The following CMSS1 variants were observed in gnomAD, a reference collection of about 807,000 sequenced individuals.
CMSS1 encodes the protein protein CMSS1.
CMSS1 carries 33 observed loss-of-function variants against 43.5 expected under a neutral mutation model. The observed-to-expected ratio is 0.76, with a 90% CI of 0.57 to 1.01. The LOEUF (loss-of-function observed/expected upper bound fraction) is 1.01, where lower values mean the gene tolerates loss of function less well. Ranked by LOEUF, CMSS1 falls within the 50% of genes least tolerant of loss-of-function variation. The pLI, the probability that CMSS1 is intolerant of heterozygous loss-of-function variation, is 0.00. For synonymous variants in CMSS1, 115 were observed against 117.2 expected, an observed-to-expected ratio of 0.98 and a Z score of 0.12; for missense variants, 313 against 326.4, an observed-to-expected ratio of 0.96 and a Z score of 0.32.
intron 1 of CMSS1, among the ~76,000 whole-genome samples, chr3:99,954,379 G>GA (rs1708260720): frequency 6.6e-6 from 1 of 152,226 alleles, no homozygotes; most frequent in Non-Finnish European, 1.5e-5. Flanking sequence ...CACACTGTGA[G>GA]ATAGGTATCA....
chr3:100,152,604 C>T (rs532571418), intron 2 of CMSS1, among the ~76,000 whole-genome samples: 4 of 152,314 alleles, frequency 2.6e-5, no homozygotes, highest in Admixed American at 6.5e-5. Context: ...GAGGTCTTCA[C>T]GAATGGTTTT....
intron 1 of CMSS1, among the ~76,000 whole-genome samples, chr3:100,050,335 C>G (rs2065348682): frequency 6.6e-6 from 1 of 152,034 alleles, no homozygotes; most frequent in African/African-American, 2.4e-5. Context: ...TGGGCAATAT[C>G]AGAGAAAGCC....
chr3:100,106,701 T>C (rs1361581150), intron 1 of CMSS1, among the ~76,000 whole-genome samples: 3 of 152,182 alleles, frequency 2.0e-5, no homozygotes, highest in Admixed American at 2.0e-4. Context: ...CTGCTGTAAA[T>C]GTAAGCTTCC....
At chr3:100,013,738 G>A (rs1442798460) in intron 1 of CMSS1, among the ~76,000 whole-genome samples, 1 of 152,098 alleles carries the variant, frequency 6.6e-6, no homozygotes, top group Non-Finnish European at 1.5e-5. Context: ...TGTGTACAAT[G>A]CAATGTTTGA....
At chr3:99,987,027 G>A (rs1207865630) in intron 1 of CMSS1, among the ~76,000 whole-genome samples, 6 of 149,956 alleles carry the variant, frequency 4.0e-5, no homozygotes, top group South Asian at 2.1e-4. Context: ...CCAGGAGTTC[G>A]AGACCAGCCT....
intron 1 of CMSS1, among the ~76,000 whole-genome samples, chr3:99,859,557 CCTTT>C (rs1193813067): frequency 6.6e-6 from 1 of 152,314 alleles, no homozygotes; most frequent in Middle Eastern, 3.4e-3. Flanking sequence ...ACATCACACT[CCTTT>C]ATTTATTTTT....
At chr3:100,050,092 C>A (rs1198683500) in intron 1 of CMSS1, among the ~76,000 whole-genome samples, 1 of 152,174 alleles carries the variant, frequency 6.6e-6, no homozygotes, top group Non-Finnish European at 1.5e-5. Flanking sequence ...CACACAGACT[C>A]ACCTGTGGAA....
At chr3:99,946,163 A>G (rs1708001209) in intron 1 of CMSS1, among the ~76,000 whole-genome samples, 1 of 152,218 alleles carries the variant, frequency 6.6e-6, no homozygotes, top group Admixed American at 6.5e-5. Flanking sequence ...GGGCCCTGCA[A>G]TCCATATAGC....
At chr3:100,137,602 G>T (rs976481105) in intron 1 of CMSS1, among the ~76,000 whole-genome samples, 3 of 147,908 alleles carry the variant, frequency 2.0e-5, no homozygotes, top group Non-Finnish European at 4.5e-5. Flanking sequence ...TCGCTTTGTC[G>T]CCCAGGCTGG....
chr3:100,064,550 C>G (rs933251240), intron 1 of CMSS1, among the ~76,000 whole-genome samples: 7 of 152,168 alleles, frequency 4.6e-5, no homozygotes, highest in African/African-American at 9.7e-5. Flanking sequence ...ATGCCACCCA[C>G]TATTATATGT....
At chr3:100,041,094 A>G (rs2065197617) in intron 1 of CMSS1, 1 of 152,152 alleles carries the variant, frequency 6.6e-6, no homozygotes, top group South Asian at 2.1e-4. Flanking sequence ...GGATGTGATC[A>G]CAGAAGGGTG....
rs1242670416 is a variant in CMSS1 at position 99,983,462 on chromosome 3, GTGTATATATATATATA to G, written c.65-163509_65-163494del. 2.8e-3 allele frequency among the ~76,000 whole-genome samples: 33 copies of G among 11,982 alleles called. 2 individuals are homozygous for G. Among genetic ancestry groups the G allele is most frequent in the African/African-American group, 5.9e-3 (27 of 4,612 alleles). 7.9% of individuals were successfully genotyped at this position (11,982 alleles called of 152,430 possible). ...TATATGTATGTATATATATATATGTGTGTATATATATATATATATATATATATATATATATATATAT... is the reference window on the plus strand; with the variant it reads ...TATATGTATGTATATATATATATGTGTATATATATATATATATATATATAT... On this transcript the variant is annotated intron_variant, in intron 1 of 9. Coordinates refer to ENST00000421999, the MANE Select transcript of CMSS1 (RefSeq NM_032359.4).
intron 1 of CMSS1, among the ~76,000 whole-genome samples, chr3:99,957,254 G>A (rs973242585): frequency 1.3e-5 from 2 of 152,044 alleles, no homozygotes; most frequent in African/African-American, 4.8e-5. Flanking sequence ...TAACAGCAGC[G>A]AATGAACCAC....
intron 1 of CMSS1, among the ~76,000 whole-genome samples, chr3:99,829,557 T>C (rs529533701): frequency 8.5e-5 from 13 of 152,350 alleles, no homozygotes; most frequent in South Asian, 4.1e-4. Flanking sequence ...AAGGCTTAGA[T>C]TGATGAATGC....
chr3:99,922,793 T>TTA (rs1258546332), intron 1 of CMSS1, among the ~76,000 whole-genome samples: 2 of 152,228 alleles, frequency 1.3e-5, no homozygotes, highest in African/African-American at 4.8e-5. Flanking sequence ...TAGAAAATAT[T>TTA]TACCAACCAA....
chr3:99,842,367 A>G lies in CMSS1; in HGVS notation c.64+24324A>G, dbSNP rs565301901. ...GGAGGGGTGTAAGGGATAAAAGACT[A>G]CACATTGGGTACAGTGTACACTGCT... On this transcript the variant is annotated intron_variant, in intron 1 of 9. Coordinates refer to ENST00000421999, the MANE Select transcript of CMSS1 (RefSeq NM_032359.4). Among the ~76,000 whole-genome samples the G allele has an allele frequency of 2.6e-5, 4 of 152,188 alleles. No individual in the cohort carries two copies. The South Asian group carries it at 6.2e-4, about 24-fold the overall frequency.
chr3:99,950,894 C>T (rs935384814), intron 1 of CMSS1, among the ~76,000 whole-genome samples: 7 of 152,096 alleles, frequency 4.6e-5, no homozygotes, highest in African/African-American at 9.7e-5. Flanking sequence ...AAACTGATCA[C>T]GGAGACAGTA....
chr3:100,002,609 A>G (rs1475967644), intron 1 of CMSS1, among the ~76,000 whole-genome samples: 1 of 152,216 alleles, frequency 6.6e-6, no homozygotes, highest in African/African-American at 2.4e-5. Flanking sequence ...TTAAAACCAA[A>G]TGCATATCTG....
At chr3:99,850,328 T>C in intron 1 of CMSS1, 2 of 1,613,100 alleles carry the variant, frequency 1.2e-6, no homozygotes, top group Non-Finnish European at 1.7e-6. Context: ...ATCCTTTCTT[T>C]TTCTAAATTG....
Sources: allele counts gnomAD v4.1 joint callset (sites outside exome capture counted in the v4.1 genomes callset), GRCh38; gene constraint gnomAD v4.1.1; transcripts MANE v1.5; gene names NCBI Gene and HGNC (gene_info 2026-07-23, HGNC 2026-07-21).